Variants in ZBTB5 observed in about 807,000 individuals in gnomAD.
ZBTB5 encodes zinc finger and BTB domain-containing protein 5.
A neutral mutation model predicts 37.9 loss-of-function variants in ZBTB5; 15 were observed. That is an observed-to-expected ratio of 0.40 (90% CI 0.26 to 0.61). ZBTB5 has a LOEUF of 0.61. Among genes scored for constraint, ZBTB5 ranks in the 20% least tolerant of loss-of-function variants. The probability of loss-of-function intolerance (pLI) is 0.47; values close to 1 mark genes in which losing one functional copy is unlikely to be tolerated. For missense variants in ZBTB5, 708 were observed against 856.8 expected (o/e 0.83, Z 2.17); for synonymous variants, 315 against 312.4 (o/e 1.01, Z -0.09).
intron 1 of ZBTB5, among the ~76,000 whole-genome samples, chr9:37,452,552 T>C (rs1824123052): frequency 6.6e-6 from 1 of 152,110 alleles, no homozygotes; most frequent in African/African-American, 2.4e-5. Flanking sequence ...AGGCAAATCA[T>C]AAGAGAAAGA....
At chr9:37,456,613 C>T (rs1824192208) in intron 1 of ZBTB5, among the ~76,000 whole-genome samples, 1 of 152,148 alleles carries the variant, frequency 6.6e-6, no homozygotes, top group Non-Finnish European at 1.5e-5. Context: ...GGCCAAAATC[C>T]CTAGGGATGA....
At chr9:37,443,103 A>G (rs1454895497) in intron 1 of ZBTB5, among the ~76,000 whole-genome samples, 1 of 152,122 alleles carries the variant, frequency 6.6e-6, no homozygotes, top group Non-Finnish European at 1.5e-5. Flanking sequence ...TAATCCCAGC[A>G]CTTTGGGAGG....
At position 37,441,437 on chromosome 9, in the gene ZBTB5, G is replaced by A. The variant is rs778625997; in HGVS notation, c.1115C>T (p.Pro372Leu). ...TGAAAAACTCCGATCACTGCTTTCA[G>A]GGCTGAGGTCTATCTTCTCGGCACT... Reference protein sequence around the residue: ...VVSAEKIDLSPESSDRSFSDP... With the variant: ...VVSAEKIDLSLESSDRSFSDP... The change falls in exon 2 of 2, where the codon CCT (proline) becomes CTT (leucine). Residue 372 changes from proline (P) to leucine (L), a missense_variant. By Grantham distance (98) the Pro-to-Leu change is moderately conservative. This residue lies in a region of ZBTB5 where 639 missense variants were observed against 690.5 expected (regional missense o/e 0.93). Coordinates refer to ENST00000307750, the MANE Select transcript of ZBTB5 (RefSeq NM_014872.3). 1 of 1,613,582 alleles carries A rather than the reference G, an allele frequency of 6.2e-7. No homozygotes were observed. Among genetic ancestry groups the A allele is most frequent in the Non-Finnish European group, 8.5e-7 (1 of 1,179,940 alleles).
chr9:37,452,251 T>C (rs1217927685), intron 1 of ZBTB5, among the ~76,000 whole-genome samples: 2 of 152,242 alleles, frequency 1.3e-5, no homozygotes, highest in Non-Finnish European at 2.9e-5. Flanking sequence ...GCAGTTTCAA[T>C]TGCACTGACT....
chr9:37,444,991 T>C (rs534893517), intron 1 of ZBTB5, among the ~76,000 whole-genome samples: 2 of 151,850 alleles, frequency 1.3e-5, no homozygotes, highest in Non-Finnish European at 2.9e-5. Context: ...ATAGATAACC[T>C]GATGTGACTG....
In ZBTB5 at chr9:37,442,797, T is replaced by G. The variant is rs118026672; in HGVS notation, c.-4-242A>C. Among the ~76,000 whole-genome samples, 1,432 of 152,284 alleles carry G rather than the reference T, an allele frequency of 9.4e-3. 14 individuals are homozygous for G. Among genetic ancestry groups the G allele is most frequent in the Middle Eastern group, 0.017 (5 of 294 alleles). On this transcript the variant is annotated intron_variant, in intron 1 of 1. Transcript: ENST00000307750. Reference sequence around the variant, plus strand: ...GCTACCGACAGGCTCCCCTTTACTCTTCATATGAGCCATGTATAACACTAA... The same window carrying G: ...GCTACCGACAGGCTCCCCTTTACTCGTCATATGAGCCATGTATAACACTAA...
At chr9:37,464,865 C>G (rs999819267) in intron 1 of ZBTB5, among the ~76,000 whole-genome samples, 1 of 152,220 alleles carries the variant, frequency 6.6e-6, no homozygotes, top group African/African-American at 2.4e-5. Context: ...CCGACCACAT[C>G]CCGCAGGGCA....
intron 1 of ZBTB5, among the ~76,000 whole-genome samples, chr9:37,445,994 G>A (rs1823971161): frequency 6.6e-6 from 1 of 152,046 alleles, no homozygotes; most frequent in African/African-American, 2.4e-5. Flanking sequence ...TAGTCCCAGT[G>A]TACTTGGGAG....
intron 1 of ZBTB5, among the ~76,000 whole-genome samples, chr9:37,462,429 ACCTGTGTTC>A (rs1328425305): frequency 6.6e-6 from 1 of 152,112 alleles, no homozygotes; most frequent in Admixed American, 6.6e-5. Flanking sequence ...CAGATTGAGA[ACCTGTGTTC>A]CCATTTGGCA....
chr9:37,457,593 G>T (rs1824214834), intron 1 of ZBTB5, among the ~76,000 whole-genome samples: 1 of 152,152 alleles, frequency 6.6e-6, no homozygotes, highest in African/African-American at 2.4e-5. Context: ...GATTTGTATG[G>T]GACAGTACTA....
chr9:37,451,114 G>A (rs1824095561), intron 1 of ZBTB5, among the ~76,000 whole-genome samples: 1 of 152,034 alleles, frequency 6.6e-6, no homozygotes, highest in African/African-American at 2.4e-5. Flanking sequence ...TGCAGGGGTG[G>A]AGGGTGCAGT....
At position 37,440,670 on chromosome 9, in the gene ZBTB5, A is replaced by G. The variant is rs1355250104; in HGVS notation, c.1882T>C (p.Cys628Arg). Residue 628 changes from cysteine to arginine, a missense_variant, in exon 2 of 2, where the codon TGC becomes CGC. Physicochemically the swap from Cys to Arg is radical, Grantham distance 180. Around this residue, in one of 3 missense-constraint regions of ZBTB5, gnomAD observed 42 missense variants for 107.9 expected, o/e 0.39. Transcript: ENST00000307750. ...CCKTFLTLTD[C>R]KKHIRVHTGE... ...GTGTGAACACGGATGTGCTTCTTGC[A>G]ATCTGTCAAAGTCAGAAAAGTTTTG... 6.2e-7 allele frequency: 1 copy of G among 1,614,244 alleles called. No homozygotes were observed.
intron 1 of ZBTB5, among the ~76,000 whole-genome samples, chr9:37,454,462 G>GATGT (rs1285995027): frequency 6.6e-6 from 1 of 152,172 alleles, no homozygotes; most frequent in Non-Finnish European, 1.5e-5. Context: ...GCAATCTACT[G>GATGT]ATGTATAACT....
In ZBTB5 at chr9:37,440,370, A is replaced by T. The variant is rs1483932019; in HGVS notation, c.*148T>A. 5 of 649,002 alleles carry T rather than the reference A, an allele frequency of 7.7e-6. No homozygotes were observed. The highest frequency in any genetic ancestry group is 1.3e-5 in the Non-Finnish European group (5 of 382,148). 40.2% of individuals were successfully genotyped at this position (649,002 alleles called of 1,614,324 possible). ...CACTCAGAAATGCAGCAGCACAAAT[A>T]CTACATGTTAGTTCTCCGGTTATTA... On this transcript the variant is annotated 3_prime_UTR_variant, in exon 2 of 2. Transcript: ENST00000307750.
At chr9:37,454,025 A>C (rs1447031797) in intron 1 of ZBTB5, among the ~76,000 whole-genome samples, 1 of 152,190 alleles carries the variant, frequency 6.6e-6, no homozygotes, top group Non-Finnish European at 1.5e-5. Context: ...TGAGCCAGTG[A>C]ACTCCCCTTT....
intron 1 of ZBTB5, among the ~76,000 whole-genome samples, chr9:37,446,263 G>A (rs1362309979): frequency 2.0e-5 from 3 of 152,176 alleles, no homozygotes; most frequent in African/African-American, 4.8e-5. Context: ...GGCAGCATGG[G>A]TGCCAAGTGG....
Position 37,441,461 on chromosome 9 carries a change from C to G in ZBTB5, c.1091G>C (p.Ser364Thr). Reference protein sequence around the residue: ...ESVEVEGVVVSAEKIDLSPES... With the variant: ...ESVEVEGVVVTAEKIDLSPES... Reference sequence around the variant, plus strand: ...AGGGCTGAGGTCTATCTTCTCGGCACTGACCACAACTCCTTCCACTTCCAC... The same window carrying G: ...AGGGCTGAGGTCTATCTTCTCGGCAGTGACCACAACTCCTTCCACTTCCAC... The change falls in exon 2 of 2, where the codon AGT becomes ACT. Residue 364 changes from serine to threonine, a missense_variant. Ser to Thr is a moderately conservative substitution (Grantham distance 58). Around this residue, in one of 3 missense-constraint regions of ZBTB5, gnomAD observed 639 missense variants for 690.5 expected, o/e 0.93. Coordinates refer to ENST00000307750, the MANE Select transcript of ZBTB5 (RefSeq NM_014872.3). 1 of 1,613,528 alleles carries G rather than the reference C, an allele frequency of 6.2e-7. No homozygotes were observed. Among genetic ancestry groups the G allele is most frequent in the Non-Finnish European group, 8.5e-7 (1 of 1,179,940 alleles).
At chr9:37,448,023 G>A (rs551633099) in intron 1 of ZBTB5, among the ~76,000 whole-genome samples, 1 of 152,160 alleles carries the variant, frequency 6.6e-6, no homozygotes, top group South Asian at 2.1e-4. Context: ...TTTTTAAATT[G>A]TGGTCCCAGA....
At position 37,442,423 on chromosome 9, in the gene ZBTB5, T is replaced by C. The variant is rs1823903658; in HGVS notation, c.129A>G (p.Ala43=). 10 of 1,614,152 alleles carry C rather than the reference T, an allele frequency of 6.2e-6. No homozygotes were observed. The highest frequency in any genetic ancestry group is 1.3e-5 in the African/African-American group (1 of 75,040). The stretch of plus-strand genomic sequence containing the variant: ...GGGCTCGGAAATGCGTGCTGCATGC[T>C]GCCAGCACGGAGCGGTGGGCTTTAA... The part of the protein sequence containing the change: ...RHFKAHRSVL[A]ACSTHFRALF... The change falls in exon 2 of 2, where the codon GCA becomes GCG. Residue 43 remains alanine, a synonymous_variant. Transcript: ENST00000307750.
Sources: gnomAD v4.1 joint callset for allele counts (sites outside exome capture counted in the v4.1 genomes callset) on GRCh38, gnomAD v4.1.1 for gene constraint, gnomAD v4.1.1 regional missense constraint, MANE v1.5 for transcripts, NCBI Gene and HGNC (gene_info 2026-07-23, HGNC 2026-07-21) for gene names.